Variants in TRPM3 observed in about 807,000 individuals in gnomAD.
The protein encoded by TRPM3 is long transient receptor potential channel 3.
Under a neutral mutation model 181.2 loss-of-function variants are expected in TRPM3, and 77 were observed. The observed-to-expected ratio is 0.42, with a 90% CI of 0.35 to 0.51. The LOEUF is 0.51. Ranked by LOEUF, TRPM3 falls within the 20% of genes least tolerant of loss-of-function variation. TRPM3 has a pLI of 0.01. For missense variants in TRPM3, 1,759 were observed against 2,196.7 expected (o/e 0.80, Z 3.98); for synonymous variants, 745 against 796.4 (o/e 0.94, Z 1.09).
intron 1 of TRPM3, among the ~76,000 whole-genome samples, chr9:71,399,526 G>GTTTTT (rs1166936123): frequency 0.024 from 1,521 of 62,630 alleles, 58 homozygotes; most frequent in African/African-American, 0.05. Context: ...ATTTTCTTTT[G>GTTTTT]TTTTTTTTTT....
chr9:70,569,756 A>T (rs1459163376), intron 22 of TRPM3, among the ~76,000 whole-genome samples: 1 of 152,236 alleles, frequency 6.6e-6, no homozygotes, highest in African/African-American at 2.4e-5. Context: ...AATACTAATA[A>T]CAATGGCAGG....
intron 1 of TRPM3, among the ~76,000 whole-genome samples, chr9:71,425,982 G>C (rs966262311): frequency 3.3e-5 from 5 of 151,760 alleles, no homozygotes; most frequent in Admixed American, 1.3e-4. Flanking sequence ...GATTATAACA[G>C]CCTCAATGTA....
chr9:70,789,356 C>A (rs554362391), intron 6 of TRPM3, among the ~76,000 whole-genome samples: 1 of 152,238 alleles, frequency 6.6e-6, no homozygotes, highest in South Asian at 2.1e-4. Flanking sequence ...AAGAGCCTTA[C>A]AAATTTGTGT....
chr9:71,382,756 T>G (rs1199879264), intron 1 of TRPM3, among the ~76,000 whole-genome samples: 2 of 152,062 alleles, frequency 1.3e-5, no homozygotes, highest in East Asian at 3.9e-4. Context: ...ACAGATTCTT[T>G]GTTCTCAAAT....
At chr9:71,140,519 C>G (rs866409034) in intron 1 of TRPM3, among the ~76,000 whole-genome samples, 4 of 152,132 alleles carry the variant, frequency 2.6e-5, no homozygotes, top group African/African-American at 9.7e-5. Flanking sequence ...CTGACACCTC[C>G]CCAAGTTTGG....
intron 1 of TRPM3, among the ~76,000 whole-genome samples, chr9:71,280,657 C>A (rs2084637886): frequency 1.3e-5 from 2 of 152,212 alleles, no homozygotes; most frequent in Non-Finnish European, 1.5e-5. Flanking sequence ...TGTATTCCAA[C>A]ACTTACTCAG....
intron 7 of TRPM3, among the ~76,000 whole-genome samples, chr9:70,778,553 G>T (rs1331587157): frequency 6.6e-6 from 1 of 152,070 alleles, no homozygotes. Flanking sequence ...TCCCTTCTGA[G>T]AAAGTTATAA....
chr9:71,006,823 A>C (rs1383934927), intron 1 of TRPM3, among the ~76,000 whole-genome samples: 1 of 148,316 alleles, frequency 6.7e-6, no homozygotes, highest in Non-Finnish European at 1.5e-5. Context: ...GTGAGCCGAG[A>C]TCGCGCCACT....
At chr9:71,025,545 G>A (rs192251719) in intron 1 of TRPM3, among the ~76,000 whole-genome samples, 65 of 152,202 alleles carry the variant, frequency 4.3e-4, no homozygotes, top group African/African-American at 1.4e-3. Context: ...CTGTAATACC[G>A]TACATTTCTT....
intron 1 of TRPM3, among the ~76,000 whole-genome samples, chr9:70,925,537 A>AT (rs1554771860): frequency 6.6e-6 from 1 of 151,520 alleles, no homozygotes; most frequent in African/African-American, 2.4e-5. Flanking sequence ...TATGGAAAAA[A>AT]ATATATATAT....
At chr9:70,916,971 T>C (rs1224107440) in intron 1 of TRPM3, 1 of 1,476,264 alleles carries the variant, frequency 6.8e-7, no homozygotes, top group Non-Finnish European at 9.4e-7. Context: ...TAGTGAACAA[T>C]CTGGTATAAT....
intron 22 of TRPM3, among the ~76,000 whole-genome samples, chr9:70,577,835 C>T (rs538548852): frequency 6.6e-6 from 1 of 152,136 alleles, no homozygotes; most frequent in Non-Finnish European, 1.5e-5. Flanking sequence ...AGAATAGAAC[C>T]GCATGCACCA....
intron 4 of TRPM3, among the ~76,000 whole-genome samples, chr9:70,843,871 A>G (rs2132028084): frequency 6.6e-6 from 1 of 152,336 alleles, no homozygotes; most frequent in African/African-American, 2.4e-5. Flanking sequence ...GAAGATGTAT[A>G]AGATATATCC....
Position 70,587,558 on chromosome 9 carries a change from G to A in TRPM3, c.3223+3473C>T, listed in dbSNP as rs773863007. Among the ~76,000 whole-genome samples the A allele has an allele frequency of 3.4e-4, 51 of 152,062 alleles. 1 individual carries two copies. Among genetic ancestry groups the A allele is most frequent in the Admixed American group, 3.1e-3 (48 of 15,266 alleles). On this transcript the variant is annotated intron_variant, in intron 22 of 25. Transcript: ENST00000677713. ...GTCCATCTAATTTTAGCTTTGCTCC[G>A]GCCTTGGCATGAAATGCTGCTGGGG...
chr9:70,877,133 T>C (rs1161167236), intron 1 of TRPM3, among the ~76,000 whole-genome samples: 1 of 152,012 alleles, frequency 6.6e-6, no homozygotes, highest in Non-Finnish European at 1.5e-5. Flanking sequence ...GCTCATGGCA[T>C]TTCATCTCCC....
intron 1 of TRPM3, among the ~76,000 whole-genome samples, chr9:71,193,522 A>G (rs1214117766): frequency 6.6e-6 from 1 of 151,728 alleles, no homozygotes; most frequent in Non-Finnish European, 1.5e-5. Flanking sequence ...CCCCTATTCA[A>G]TCTAAATGAC....
intron 8 of TRPM3, among the ~76,000 whole-genome samples, chr9:70,753,454 T>C (rs910863142): frequency 1.1e-4 from 16 of 152,136 alleles, no homozygotes; most frequent in African/African-American, 3.4e-4. Context: ...GCTGGTGTTA[T>C]TGAAAGCCTA....
chr9:70,866,957 C>T (rs891133016), intron 1 of TRPM3, among the ~76,000 whole-genome samples: 8 of 152,020 alleles, frequency 5.3e-5, no homozygotes, highest in African/African-American at 1.9e-4. Context: ...ACCCACTCTG[C>T]TAAATTGCCA....
chr9:71,365,219 C>T (rs960570543), intron 1 of TRPM3, among the ~76,000 whole-genome samples: 2 of 152,186 alleles, frequency 1.3e-5, no homozygotes, highest in African/African-American at 2.4e-5. Context: ...ACAAACATCC[C>T]ATTGGCTCAT....
Sources: allele counts gnomAD v4.1 joint callset (sites outside exome capture counted in the v4.1 genomes callset), GRCh38; gene constraint gnomAD v4.1.1; transcripts MANE v1.5; gene names NCBI Gene and HGNC (gene_info 2026-07-23, HGNC 2026-07-21).